Variants in ELOVL5 observed in about 807,000 individuals in gnomAD.
ELOVL5 encodes ELOVL fatty acid elongase 5.
A neutral mutation model predicts 38.6 loss-of-function variants in ELOVL5; 8 were observed. The ratio of observed to expected loss-of-function variants is 0.21; its 90% confidence interval spans 0.12 to 0.37. The LOEUF (loss-of-function observed/expected upper bound fraction) is 0.37. Ranked by LOEUF, ELOVL5 falls within the 10% of genes least tolerant of loss-of-function variation. The pLI is 1.00. For missense variants in ELOVL5, 280 were observed against 367.8 expected (o/e 0.76, Z 1.95); for synonymous variants, 127 against 133.7 (o/e 0.95, Z 0.34).
intron 1 of ELOVL5, among the ~76,000 whole-genome samples, chr6:53,325,837 C>T (rs1303089077): frequency 6.6e-6 from 1 of 152,212 alleles, no homozygotes; most frequent in Non-Finnish European, 1.5e-5. Flanking sequence ...ATTAAGCAGC[C>T]ATGTTAATTG....
At chr6:53,293,003 C>G (rs1766833979) in intron 2 of ELOVL5, among the ~76,000 whole-genome samples, 1 of 152,106 alleles carries the variant, frequency 6.6e-6, no homozygotes, top group East Asian at 1.9e-4. Context: ...ACAGGTCAGC[C>G]GCCAGCAGCA....
At position 53,291,759 on chromosome 6, in the gene ELOVL5, G is replaced by A. The variant is rs1363326075; in HGVS notation, c.246+17C>T. ...TGCATTTATGTGAAAGGAAGACTGT[G>A]TTAACCTTTGACTTACCTCACAGAA... On this transcript the variant is annotated intron_variant, in intron 3 of 7. Transcript: ENST00000304434. 2 of 1,594,258 alleles carry A rather than the reference G, an allele frequency of 1.3e-6. No individual in the cohort carries two copies. Among genetic ancestry groups the A allele is most frequent in the South Asian group, 1.1e-5 (1 of 88,260 alleles).
intron 2 of ELOVL5, among the ~76,000 whole-genome samples, chr6:53,292,300 G>A (rs1766805964): frequency 6.6e-6 from 1 of 152,172 alleles, no homozygotes; most frequent in African/African-American, 2.4e-5. Context: ...TTACACATAG[G>A]GTGATAAAAC....
intron 1 of ELOVL5, among the ~76,000 whole-genome samples, chr6:53,332,210 T>C (rs1466450577): frequency 6.6e-6 from 1 of 152,116 alleles, no homozygotes; most frequent in Non-Finnish European, 1.5e-5. Context: ...AAATACTCTG[T>C]GAAATAAGTT....
intron 3 of ELOVL5, among the ~76,000 whole-genome samples, chr6:53,288,790 A>T (rs977083143): frequency 2.0e-5 from 3 of 152,156 alleles, no homozygotes; most frequent in Non-Finnish European, 4.4e-5. Flanking sequence ...TATTGGCCAG[A>T]TGTAGTGGCT....
chr6:53,277,410 C>G (rs1766182450), intron 3 of ELOVL5, among the ~76,000 whole-genome samples: 1 of 152,110 alleles, frequency 6.6e-6, no homozygotes, highest in South Asian at 2.1e-4. Flanking sequence ...GGAGAAGCAT[C>G]AGTTCATGAT....
chr6:53,335,546 G>A (rs1165743265), intron 1 of ELOVL5, among the ~76,000 whole-genome samples: 2 of 151,932 alleles, frequency 1.3e-5, no homozygotes, highest in Non-Finnish European at 2.9e-5. Context: ...TTACTCGCAG[G>A]GCACACCTTT....
In ELOVL5 at chr6:53,269,225, C is replaced by A; in HGVS notation, c.802G>T (p.Asp268Tyr). The A allele has an allele frequency of 6.2e-7, 1 of 1,613,086 alleles. No individual in the cohort carries two copies. The highest frequency in any genetic ancestry group is 8.5e-7 in the Non-Finnish European group (1 of 1,179,380). The part of the protein sequence containing the change: ...GASRRKDHLK[D>Y]HQNGSMAAVN... ...GCAGCCATGGACCCATTCTGGTGGT[C>A]CTTCAGGTGGTCTTTCCTTCGGGAG... Residue 268 changes from aspartate (D) to tyrosine (Y), a missense_variant, in exon 8 of 8, where the codon GAC (aspartate) becomes TAC (tyrosine). Physicochemically the swap from Asp to Tyr is radical, Grantham distance 160. Around this residue, in one of 3 missense-constraint regions of ELOVL5, gnomAD observed 125 missense variants for 158.9 expected, o/e 0.79. Transcript: ENST00000304434.
intron 1 of ELOVL5, among the ~76,000 whole-genome samples, chr6:53,315,285 C>G (rs906215037): frequency 6.6e-6 from 1 of 152,120 alleles, no homozygotes; most frequent in African/African-American, 2.4e-5. Flanking sequence ...GGACTCCACC[C>G]TCATGACCTC....
chr6:53,327,611 T>C (rs1768606484), intron 1 of ELOVL5, among the ~76,000 whole-genome samples: 1 of 152,220 alleles, frequency 6.6e-6, no homozygotes, highest in Non-Finnish European at 1.5e-5. Context: ...TAGAGGTGAC[T>C]GTGGCAAACA....
chr6:53,311,558 C>G (rs1767832832), intron 1 of ELOVL5, among the ~76,000 whole-genome samples: 1 of 152,246 alleles, frequency 6.6e-6, no homozygotes, highest in South Asian at 2.1e-4. Flanking sequence ...TTATTTATAA[C>G]AGTCAAAAAG....
intron 3 of ELOVL5, among the ~76,000 whole-genome samples, chr6:53,279,440 C>T (rs767592778): frequency 2.4e-4 from 37 of 152,188 alleles, no homozygotes; most frequent in Non-Finnish European, 4.6e-4. Flanking sequence ...GCTGTTTGCT[C>T]ACATGCTCCC....
chr6:53,305,516 T>G (rs1450407060), intron 1 of ELOVL5, among the ~76,000 whole-genome samples: 1 of 138,236 alleles, frequency 7.2e-6, no homozygotes, highest in Non-Finnish European at 1.6e-5. Context: ...GTCTCCTCAC[T>G]TCTCAGACGG....
At chr6:53,269,769 C>G (rs979919713) in intron 7 of ELOVL5, among the ~76,000 whole-genome samples, 1 of 152,240 alleles carries the variant, frequency 6.6e-6, no homozygotes, top group African/African-American at 2.4e-5. Context: ...CCTATCCTTT[C>G]ACCTTCCTTG....
At chr6:53,321,751 C>T (rs1024911028) in intron 1 of ELOVL5, among the ~76,000 whole-genome samples, 2 of 152,026 alleles carry the variant, frequency 1.3e-5, no homozygotes, top group African/African-American at 2.4e-5. Flanking sequence ...TAAATCATAC[C>T]GAAATTCCAA....
chr6:53,311,830 C>T lies in ELOVL5; in HGVS notation c.-8-16123G>A, dbSNP rs545439596. ...GGGAAACGAAGGAATGGGAAGTGAC[C>T]GATACTGTTTATGATGTTTCTTTCT... On this transcript the variant is annotated intron_variant, in intron 1 of 7. Transcript: ENST00000304434. 3.9e-5 allele frequency among the ~76,000 whole-genome samples: 6 copies of T among 152,056 alleles called. No individual in the cohort carries two copies. In the East Asian group the frequency reaches 9.6e-4, roughly 24 times the overall value.
intron 1 of ELOVL5, among the ~76,000 whole-genome samples, chr6:53,331,604 G>C (rs1768807437): frequency 6.6e-6 from 1 of 152,110 alleles, no homozygotes; most frequent in Non-Finnish European, 1.5e-5. Flanking sequence ...TATATAGGCA[G>C]TTCATCACTG....
intron 2 of ELOVL5, 130 bp downstream of exon 2, chr6:53,295,512 C>T: frequency 1.5e-6 from 1 of 670,466 alleles, no homozygotes; most frequent in South Asian, 1.9e-5. Context: ...TCCTTGTTAT[C>T]CAGGATAAAG....
chr6:53,336,505 T>C (rs1769074928), intron 1 of ELOVL5, among the ~76,000 whole-genome samples: 2 of 152,044 alleles, frequency 1.3e-5, no homozygotes, highest in South Asian at 4.1e-4. Flanking sequence ...ACCAAAAATA[T>C]AAAAAATTAG....
Sources: allele counts gnomAD v4.1 joint callset (sites outside exome capture counted in the v4.1 genomes callset), GRCh38; gene constraint gnomAD v4.1.1; regional missense constraint gnomAD v4.1.1; transcripts MANE v1.5; gene names NCBI Gene and HGNC (gene_info 2026-07-23, HGNC 2026-07-21).